Variants in ETV6 observed in about 807,000 individuals in gnomAD.
The protein encoded by ETV6 is transcription factor ETV6.
A neutral mutation model predicts 51.1 loss-of-function variants in ETV6; 16 were observed. The observed-to-expected ratio is 0.31, with a 90% CI of 0.21 to 0.48. ETV6 has a LOEUF of 0.48. ETV6 is among the 20% of genes least tolerant of loss of function. ETV6 has a pLI of 0.99. For missense variants in ETV6, 458 were observed against 594.8 expected, an observed-to-expected ratio of 0.77 and a Z score of 2.39; for synonymous variants, 240 against 224.1, an observed-to-expected ratio of 1.07 and a Z score of -0.64.
At chr12:11,708,035 A>ATTCTGTTATAATTTTGAATG (rs1354163138) in intron 1 of ETV6, among the ~76,000 whole-genome samples, 6 of 152,142 alleles carry the variant, frequency 3.9e-5, no homozygotes, top group Non-Finnish European at 8.8e-5. Context: ...ATTTTAAGTT[A>ATTCTGTTATAATTTTGAATG]TTCTGTTATA....
At chr12:11,832,131 G>A (rs1300671928) in intron 2 of ETV6, among the ~76,000 whole-genome samples, 6 of 152,192 alleles carry the variant, frequency 3.9e-5, no homozygotes, top group Admixed American at 1.3e-4. Context: ...CATGGAATAC[G>A]CTTAAGAAAA....
intron 1 of ETV6, among the ~76,000 whole-genome samples, chr12:11,715,948 G>A (rs950550685): frequency 2.0e-5 from 3 of 152,218 alleles, no homozygotes; most frequent in Non-Finnish European, 2.9e-5. Context: ...GAGAAGAACA[G>A]CGTCTTTGAC....
intron 1 of ETV6, among the ~76,000 whole-genome samples, chr12:11,731,904 A>T (rs1485015161): frequency 1.3e-5 from 2 of 152,170 alleles, no homozygotes; most frequent in Non-Finnish European, 2.9e-5. Flanking sequence ...GCAGTAGGGT[A>T]ACCGGCTTGT....
intron 1 of ETV6, among the ~76,000 whole-genome samples, chr12:11,745,515 C>A (rs151280389): frequency 7.0e-4 from 107 of 152,182 alleles, no homozygotes; most frequent in African/African-American, 2.5e-3. Flanking sequence ...AATCTTTTTT[C>A]CCCCACAGGC....
At chr12:11,770,702 T>A (rs1461837850) in intron 2 of ETV6, among the ~76,000 whole-genome samples, 4 of 152,190 alleles carry the variant, frequency 2.6e-5, no homozygotes, top group Non-Finnish European at 4.4e-5. Flanking sequence ...TTTTGATGCT[T>A]GAGAAAGAAT....
intron 2 of ETV6, 78 bp from the exon 3 acceptor site, chr12:11,839,062 G>GAAT: frequency 1.4e-6 from 2 of 1,454,078 alleles, no homozygotes; most frequent in Non-Finnish European, 1.9e-6. Flanking sequence ...ACTATTCAGA[G>GAAT]ACCTTCTCCC....
chr12:11,825,149 G>A (rs893592495), intron 2 of ETV6, among the ~76,000 whole-genome samples: 15 of 152,098 alleles, frequency 9.9e-5, no homozygotes, highest in African/African-American at 3.6e-4. Context: ...GATACGAAGC[G>A]TGGGGCAAAC....
intron 1 of ETV6, among the ~76,000 whole-genome samples, chr12:11,662,986 G>T (rs1027041755): frequency 2.0e-5 from 3 of 152,330 alleles, no homozygotes; most frequent in Admixed American, 2.0e-4. Context: ...TGGCTGGGTG[G>T]TTCTTGGGCA....
chr12:11,761,788 A>G (rs1296561033), intron 2 of ETV6, among the ~76,000 whole-genome samples: 1 of 152,242 alleles, frequency 6.6e-6, no homozygotes, highest in Admixed American at 6.5e-5. Context: ...CCACATCTGC[A>G]AAGTGAAATG....
At chr12:11,861,996 G>A (rs1315245385) in intron 4 of ETV6, among the ~76,000 whole-genome samples, 1 of 152,212 alleles carries the variant, frequency 6.6e-6, no homozygotes, top group Non-Finnish European at 1.5e-5. Flanking sequence ...TGTGAGGACT[G>A]TGAGGCCTCC....
At chr12:11,729,132 C>T (rs1159213653) in intron 1 of ETV6, among the ~76,000 whole-genome samples, 2 of 152,210 alleles carry the variant, frequency 1.3e-5, no homozygotes, top group Non-Finnish European at 2.9e-5. Context: ...GAAAGCGTGA[C>T]AGTCAACATG....
At chr12:11,840,635 T>A (rs1946375913) in intron 3 of ETV6, 1 of 391,944 alleles carries the variant, frequency 2.6e-6, no homozygotes, top group Non-Finnish European at 5.1e-6. Flanking sequence ...CCAGCACCCG[T>A]ATCTCCACTG....
At chr12:11,823,761 G>A (rs1280696226) in intron 2 of ETV6, among the ~76,000 whole-genome samples, 6 of 152,106 alleles carry the variant, frequency 3.9e-5, no homozygotes, top group African/African-American at 7.2e-5. Flanking sequence ...CACCGCACCC[G>A]GCCAGTAATT....
rs190085180 is a variant in ETV6, at chr12:11,729,421, G to T, written c.34-23029G>T. 3.9e-4 allele frequency among the ~76,000 whole-genome samples: 59 copies of T among 152,138 alleles called. No homozygotes were observed. In the East Asian group the frequency reaches 9.5e-3, roughly 24 times the overall value. On this transcript the variant is annotated intron_variant, in intron 1 of 7. Transcript: ENST00000396373. ...GCCAGGCAGCCATGTGGGATCAGGTGGGGGGGACTGGGCTGCTGTGTGGTA... is the reference window on the plus strand; with the variant it reads ...GCCAGGCAGCCATGTGGGATCAGGTTGGGGGGACTGGGCTGCTGTGTGGTA...
intron 5 of ETV6, among the ~76,000 whole-genome samples, chr12:11,880,508 T>G (rs994451029): frequency 5.7e-5 from 7 of 122,156 alleles, no homozygotes; most frequent in African/African-American, 3.1e-4. Flanking sequence ...AGCCCTTACA[T>G]TGGAGAAATG....
chr12:11,712,858 G>C (rs1936494678), intron 1 of ETV6, among the ~76,000 whole-genome samples: 1 of 152,324 alleles, frequency 6.6e-6, no homozygotes, highest in Admixed American at 6.5e-5. Flanking sequence ...AGGAGTTTGT[G>C]AGCATCAGGT....
chr12:11,663,168 G>A (rs1181046562), intron 1 of ETV6, among the ~76,000 whole-genome samples: 1 of 152,358 alleles, frequency 6.6e-6, no homozygotes, highest in Middle Eastern at 3.4e-3. Flanking sequence ...AATAATTGCA[G>A]TGCGTTGAAC....
At chr12:11,756,591 G>C (rs1331668019) in intron 2 of ETV6, among the ~76,000 whole-genome samples, 1 of 152,180 alleles carries the variant, frequency 6.6e-6, no homozygotes, top group Non-Finnish European at 1.5e-5. Context: ...TTGACTCTAC[G>C]CAGAGAAGGG....
In ETV6 at chr12:11,650,180, C is replaced by T. The variant is rs1022540137; in HGVS notation, c.33+20C>T. ...ATTAAGGTAAAAATCTTCTCCCCTC[C>T]TTCTACGTGGTGGAAACCCTGAGCT... On this transcript the variant is annotated intron_variant, in intron 1 of 7. Coordinates refer to ENST00000396373, the MANE Select transcript of ETV6 (RefSeq NM_001987.5). The T allele has an allele frequency of 1.2e-6, 2 of 1,610,320 alleles. No homozygotes were observed. The highest frequency in any genetic ancestry group is 1.7e-6 in the Non-Finnish European group (2 of 1,176,844).
Sources: gnomAD v4.1 joint callset for allele counts (sites outside exome capture counted in the v4.1 genomes callset) on GRCh38, gnomAD v4.1.1 for gene constraint, MANE v1.5 for transcripts, NCBI Gene and HGNC (gene_info 2026-07-23, HGNC 2026-07-21) for gene names.